The following KTN1 variants were observed in gnomAD, a reference collection of about 807,000 sequenced individuals.
KTN1 encodes the protein kinectin.
Under a neutral mutation model 222.5 loss-of-function variants are expected in KTN1, and 130 were observed. The ratio of observed to expected loss-of-function variants is 0.58; its 90% CI spans 0.51 to 0.68. The LOEUF is 0.68. KTN1 is among the 30% of genes least tolerant of loss of function. The probability of loss-of-function intolerance (pLI) is 0.00; values close to 1 mark genes in which losing one functional copy is unlikely to be tolerated. For synonymous variants in KTN1, 512 were observed against 496.3 expected, an observed-to-expected ratio of 1.03 and a Z score of -0.42; for missense variants, 1,508 against 1,500.4, an observed-to-expected ratio of 1.01 and a Z score of -0.08.
At chr14:55,587,937 T>C (rs2033367147) in intron 1 of KTN1, among the ~76,000 whole-genome samples, 1 of 152,122 alleles carries the variant, frequency 6.6e-6, no homozygotes, top group African/African-American at 2.4e-5. Flanking sequence ...GTCTAAATAA[T>C]TGGATTTAGT....
intron 18 of KTN1, among the ~76,000 whole-genome samples, chr14:55,642,085 G>A (rs954796880): frequency 1.5e-4 from 23 of 152,142 alleles, no homozygotes; most frequent in African/African-American, 5.1e-4. Flanking sequence ...TTCTTTTAGG[G>A]AGCATGGTGT....
intron 22 of KTN1, 148 bp downstream of exon 22, chr14:55,649,961 A>G (rs2042774856): frequency 1.9e-6 from 1 of 525,986 alleles, no homozygotes; most frequent in Non-Finnish European, 3.3e-6. Flanking sequence ...GGAATAAGAG[A>G]ACTTAGCTGT....
At position 55,616,626 on chromosome 14, in the gene KTN1, TTCA is replaced by T. The variant is rs758564461; in HGVS notation, c.637_639del (p.Ser213del). The T allele has an allele frequency of 6.3e-7, 1 of 1,597,820 alleles. No homozygotes were observed. Among genetic ancestry groups the T allele is most frequent in the South Asian group, 1.1e-5 (1 of 88,704 alleles). ...AAAGTGGATCAGGGAAGAAGAAAGC[TTCA>T]TCAAAGAAACAAAAGACAGAAAATG... On this transcript the variant is annotated inframe_deletion, in exon 3 of 44. Coordinates refer to ENST00000395314, the MANE Select transcript of KTN1 (RefSeq NM_001079521.2).
At chr14:55,582,953 A>T (rs1306045958) in intron 1 of KTN1, among the ~76,000 whole-genome samples, 1 of 152,216 alleles carries the variant, frequency 6.6e-6, no homozygotes, top group African/African-American at 2.4e-5. Flanking sequence ...GTGATCACTC[A>T]TGCTCAAAGA....
chr14:55,582,184 C>T (rs1451500591), intron 1 of KTN1, among the ~76,000 whole-genome samples: 5 of 152,104 alleles, frequency 3.3e-5, no homozygotes, highest in Admixed American at 1.3e-4. Flanking sequence ...CTTAATGATT[C>T]AGCGTCAGCA....
chr14:55,617,152 G>A (rs1294001705), intron 3 of KTN1, among the ~76,000 whole-genome samples: 1 of 152,084 alleles, frequency 6.6e-6, no homozygotes, highest in African/African-American at 2.4e-5. Flanking sequence ...TGAAATTTGT[G>A]AAGACTAAAC....
intron 27 of KTN1, 96 bp downstream of exon 27, chr14:55,653,181 C>G (rs756689038): frequency 2.2e-5 from 19 of 847,972 alleles, no homozygotes; most frequent in Non-Finnish European, 3.6e-5. Context: ...TTCTGAGTTT[C>G]TTTGCCAGAA....
At chr14:55,591,191 A>G (rs2034057352) in intron 1 of KTN1, among the ~76,000 whole-genome samples, 1 of 152,208 alleles carries the variant, frequency 6.6e-6, no homozygotes, top group Admixed American at 6.5e-5. Context: ...GTTACCACTC[A>G]CAATAAGAAA....
At chr14:55,629,841 G>A (rs1201713486) in intron 6 of KTN1, 116 bp from the exon 7 acceptor site, 3 of 758,400 alleles carry the variant, frequency 4.0e-6, no homozygotes, top group African/African-American at 1.8e-5. Context: ...AGTACTTAAT[G>A]TTTTATCATT....
intron 34 of KTN1, 176 bp downstream of exon 34, chr14:55,667,506 T>C: frequency 4.9e-6 from 2 of 407,644 alleles, no homozygotes; most frequent in Non-Finnish European, 8.6e-6. Flanking sequence ...CTCATTTCTA[T>C]TTACCTGATA....
chr14:55,647,633 C>CA (rs35742930), intron 19 of KTN1, among the ~76,000 whole-genome samples: 636 of 33,000 alleles, frequency 0.019, 49 homozygotes, highest in African/African-American at 0.042. Context: ...AACTCTGCCT[C>CA]AAAAAAAAAA....
chr14:55,640,413 C>A lies in KTN1; in HGVS notation c.1954C>A (p.Gln652Lys). The A allele has an allele frequency of 1.2e-6, 2 of 1,607,502 alleles. No individual in the cohort carries two copies. Among genetic ancestry groups the A allele is most frequent in the Non-Finnish European group, 1.7e-6 (2 of 1,176,090 alleles). Residue 652 changes from glutamine (Q) to lysine (K), a missense_variant, in exon 15 of 44, where the codon CAG becomes AAG. Physicochemically the swap from Gln to Lys is moderately conservative, Grantham distance 53. Transcript: ENST00000395314. The part of the protein sequence containing the change: ...NMNFLLKAEV[Q>K]KLQALANEQA... The stretch of plus-strand genomic sequence containing the variant: ...GAATTTCTTATTAAAAGCTGAAGTG[C>A]AGAAATTACAGGCCCTGGCAAATGA...
At chr14:55,646,476 TTTCCTTTCC>T (rs2042336591) in intron 18 of KTN1, among the ~76,000 whole-genome samples, 1 of 64,418 alleles carries the variant, frequency 1.6e-5, no homozygotes, top group African/African-American at 5.8e-5. Context: ...TTTCCTTTCC[TTTCCTTTCC>T]TTTCCTTTCC....
At chr14:55,632,175 G>C (rs1280754351) in intron 7 of KTN1, among the ~76,000 whole-genome samples, 1 of 152,128 alleles carries the variant, frequency 6.6e-6, no homozygotes, top group Admixed American at 6.5e-5. Flanking sequence ...AGCCTCAAGT[G>C]ATCTTTTCTT....
intron 32 of KTN1, chr14:55,663,110 G>T (rs578208789): frequency 3.0e-5 from 11 of 369,420 alleles, no homozygotes; most frequent in South Asian, 2.3e-4. Context: ...ATACCTCATG[G>T]GGTTGTTGTA....
At chr14:55,597,064 A>G (rs909111867) in intron 1 of KTN1, among the ~76,000 whole-genome samples, 4 of 128,036 alleles carry the variant, frequency 3.1e-5, no homozygotes, top group African/African-American at 1.1e-4. Flanking sequence ...GATTATTTTG[A>G]AAAAAAAAAT....
chr14:55,620,637 G>A (rs140801160), intron 5 of KTN1, among the ~76,000 whole-genome samples: 2 of 152,172 alleles, frequency 1.3e-5, no homozygotes, highest in African/African-American at 4.8e-5. Context: ...GGCCCATGCT[G>A]TACCTTGGTT....
chr14:55,663,116 T>C (rs2141242046), intron 32 of KTN1: 1 of 356,412 alleles, frequency 2.8e-6, no homozygotes. Context: ...CATGGGGTTG[T>C]TGTAACGGTG....
chr14:55,655,376 A>AT (rs2043363462), intron 28 of KTN1, among the ~76,000 whole-genome samples: 2 of 152,022 alleles, frequency 1.3e-5, no homozygotes, highest in Non-Finnish European at 2.9e-5. Flanking sequence ...CATTTTTTTC[A>AT]TATAGATTTA....
Sources: allele counts gnomAD v4.1 joint callset (sites outside exome capture counted in the v4.1 genomes callset), GRCh38; gene constraint gnomAD v4.1.1; transcripts MANE v1.5; gene names NCBI Gene and HGNC (gene_info 2026-07-23, HGNC 2026-07-21).